The following PEX14 variants were observed in gnomAD, a reference collection of about 807,000 sequenced individuals.
The protein encoded by PEX14 is peroxisomal biogenesis factor 14.
Under a neutral mutation model 49.5 loss-of-function variants are expected in PEX14, and 15 were observed. The ratio of observed to expected loss-of-function variants is 0.30; its 90% CI spans 0.20 to 0.47. The LOEUF (loss-of-function observed/expected upper bound fraction) is 0.47. PEX14 is among the 20% of genes least tolerant of loss of function. PEX14 has a pLI of 1.00. For synonymous variants in PEX14, 210 were observed against 212.7 expected, an observed-to-expected ratio of 0.99 and a Z score of 0.11; for missense variants, 398 against 494.8, an observed-to-expected ratio of 0.80 and a Z score of 1.86.
intron 3 of PEX14, among the ~76,000 whole-genome samples, chr1:10,586,628 CTTTTTT>C (rs35743829): frequency 1.2e-4 from 11 of 93,048 alleles, no homozygotes; most frequent in South Asian, 4.5e-4. Context: ...AGCCGTTTAC[CTTTTTT>C]TTTTTTTTTT....
At chr1:10,582,449 ATGTT>A (rs1640347969) in intron 3 of PEX14, among the ~76,000 whole-genome samples, 1 of 152,012 alleles carries the variant, frequency 6.6e-6, no homozygotes, top group South Asian at 2.1e-4. Flanking sequence ...AAAGCCATCT[ATGTT>A]TGACAACCAG....
intron 4 of PEX14, among the ~76,000 whole-genome samples, chr1:10,604,464 T>A (rs527874760): frequency 6.6e-6 from 1 of 152,044 alleles, no homozygotes; most frequent in South Asian, 2.1e-4. Context: ...TAAAAAAATT[T>A]AAAAAACAAA....
In PEX14 at chr1:10,529,735, A is replaced by G. The variant is rs151304235; in HGVS notation, c.85-6478A>G. The stretch of plus-strand genomic sequence containing the variant: ...AATTCCCTAAATACAGATTTACACA[A>G]TAGCCTTAAAATATATTCTGTTCTA... On this transcript the variant is annotated intron_variant, in intron 2 of 8. Coordinates refer to ENST00000356607, the MANE Select transcript of PEX14 (RefSeq NM_004565.3). The surrounding 1 kb of genome is among the most constrained non-coding windows in gnomAD (Gnocchi z 4.2). Among the ~76,000 whole-genome samples, 13 of 152,370 alleles carry G rather than the reference A, an allele frequency of 8.5e-5. No individual in the cohort carries two copies. The East Asian group carries it at 2.3e-3, about 27-fold the overall frequency.
At chr1:10,593,178 T>A (rs1446463249) in intron 3 of PEX14, among the ~76,000 whole-genome samples, 5 of 152,204 alleles carry the variant, frequency 3.3e-5, no homozygotes, top group African/African-American at 1.2e-4. Context: ...TTAAAGGATA[T>A]ATTGTCTTTA....
chr1:10,507,162 G>T (rs957732679), intron 2 of PEX14, among the ~76,000 whole-genome samples: 12 of 152,240 alleles, frequency 7.9e-5, no homozygotes, highest in Non-Finnish European at 1.8e-4. Context: ...ATTTTGCAGT[G>T]AGGAGACTGA....
intron 4 of PEX14, among the ~76,000 whole-genome samples, chr1:10,616,437 T>C (rs1170545915): frequency 6.6e-6 from 1 of 152,168 alleles, no homozygotes; most frequent in Non-Finnish European, 1.5e-5. Flanking sequence ...TCGGCCGTGT[T>C]GTGACGTTCC....
At chr1:10,620,469 CAGA>C (rs1641557371) in intron 5 of PEX14, among the ~76,000 whole-genome samples, 1 of 151,666 alleles carries the variant, frequency 6.6e-6, no homozygotes, top group African/African-American at 2.4e-5. Flanking sequence ...GCCTCGGCAA[CAGA>C]AGGAGACCCT....
chr1:10,530,421 C>A (rs1050075603), intron 2 of PEX14, among the ~76,000 whole-genome samples: 1 of 152,248 alleles, frequency 6.6e-6, no homozygotes, highest in East Asian at 1.9e-4. Flanking sequence ...GGAGCGGCCG[C>A]CCCGGCCTGC....
At chr1:10,584,060 C>T (rs554503121) in intron 3 of PEX14, among the ~76,000 whole-genome samples, 2 of 152,270 alleles carry the variant, frequency 1.3e-5, no homozygotes, top group South Asian at 4.1e-4. Flanking sequence ...ATAGGATCAC[C>T]AGGGTGGAAG....
Position 10,613,297 on chromosome 1 carries a change from T to C in PEX14, c.299-5035T>C, listed in dbSNP as rs912627944. ...GTTGGTTTTGTTGGTGTTCAGTGAA[T>C]AGTTAGGAGCTGTGGGGATGCACCT... is the stretch of plus-strand genomic sequence containing the variant. On this transcript the variant is annotated intron_variant, in intron 4 of 8. Transcript: ENST00000356607. This position sits in a 1 kb window ranked among gnomAD's most constrained non-coding sequence, Gnocchi z 5.0. Among the ~76,000 whole-genome samples the C allele has an allele frequency of 2.0e-5, 3 of 152,244 alleles. No individual in the cohort carries two copies. The highest frequency in any genetic ancestry group is 4.4e-5 in the Non-Finnish European group (3 of 68,018).
At chr1:10,626,759 C>T (rs1160403675) in intron 7 of PEX14, among the ~76,000 whole-genome samples, 7 of 152,234 alleles carry the variant, frequency 4.6e-5, no homozygotes, top group African/African-American at 1.4e-4. Flanking sequence ...ACCAGCAGCT[C>T]GCATTTGGGG....
chr1:10,597,107 C>G lies in PEX14; in HGVS notation c.170-2131C>G, dbSNP rs1489887359. Among the ~76,000 whole-genome samples the G allele has an allele frequency of 1.3e-5, 2 of 152,254 alleles. No homozygotes were observed. Among genetic ancestry groups the G allele is most frequent in the African/African-American group, 4.8e-5 (2 of 41,464 alleles). On this transcript the variant is annotated intron_variant, in intron 3 of 8. Coordinates refer to ENST00000356607, the MANE Select transcript of PEX14 (RefSeq NM_004565.3). The surrounding 1 kb of genome is among the most constrained non-coding windows in gnomAD (Gnocchi z 5.7). ...AGTCTGTAACTTACTGTATATTTCC[C>G]CAGTGTTAAACATTATTGTACTTGT... is the stretch of plus-strand genomic sequence containing the variant.
chr1:10,619,240 C>T (rs1247792602), intron 5 of PEX14, among the ~76,000 whole-genome samples: 4 of 151,896 alleles, frequency 2.6e-5, no homozygotes, highest in Non-Finnish European at 4.4e-5. Flanking sequence ...GGTAGGTGCC[C>T]AGTCCAGATC....
intron 1 of PEX14, among the ~76,000 whole-genome samples, chr1:10,486,914 C>G (rs1013901401): frequency 6.6e-6 from 1 of 151,946 alleles, no homozygotes; most frequent in Non-Finnish European, 1.5e-5. Flanking sequence ...GTCTTGAACT[C>G]CTGACCCTGT....
In PEX14 at chr1:10,613,496, A is replaced by G. The variant is rs377348738; in HGVS notation, c.299-4836A>G. On this transcript the variant is annotated intron_variant, in intron 4 of 8. Coordinates refer to ENST00000356607, the MANE Select transcript of PEX14 (RefSeq NM_004565.3). The surrounding 1 kb of genome is among the most constrained non-coding windows in gnomAD (Gnocchi z 5.0). ...TTATCCCCTGACCTCATTGCAGCCC[A>G]CAGCGCCACAGCGTAGAGGCAGTCC... 7.6e-4 allele frequency among the ~76,000 whole-genome samples: 116 copies of G among 152,280 alleles called. 1 individual carries two copies. The highest frequency in any genetic ancestry group is 2.2e-3 in the African/African-American group (90 of 41,552).
chr1:10,599,485 G>A, intron 4 of PEX14, 119 bp downstream of exon 4: 3 of 1,213,750 alleles, frequency 2.5e-6, no homozygotes, highest in Non-Finnish European at 3.6e-6. Flanking sequence ...GCAGCAGAAA[G>A]CTCTTGGGTT....
At chr1:10,475,399 A>G (rs1481798541) in intron 1 of PEX14, among the ~76,000 whole-genome samples, 1 of 152,064 alleles carries the variant, frequency 6.6e-6, no homozygotes, top group Non-Finnish European at 1.5e-5. Flanking sequence ...GCCTGTTTCC[A>G]TTAGGGTTCC....
At chr1:10,562,980 C>T (rs1376183371) in intron 3 of PEX14, among the ~76,000 whole-genome samples, 3 of 148,360 alleles carry the variant, frequency 2.0e-5, no homozygotes, top group African/African-American at 4.9e-5. Flanking sequence ...GGCATGATCT[C>T]GGCTCACTGC....
intron 2 of PEX14, 59 bp from the exon 3 acceptor site, chr1:10,536,154 A>G: frequency 9.5e-7 from 1 of 1,054,242 alleles, no homozygotes. Context: ...AGGATTTTTA[A>G]TCTTGAAATT....
Sources: allele counts gnomAD v4.1 joint callset (sites outside exome capture counted in the v4.1 genomes callset), GRCh38; gene constraint gnomAD v4.1.1; non-coding constraint Gnocchi (gnomAD v3.1); transcripts MANE v1.5; gene names NCBI Gene and HGNC (gene_info 2026-07-23, HGNC 2026-07-21).